MMS22L: variants seen among roughly 807,000 people sequenced by gnomAD.
MMS22L encodes MMS22 like, DNA repair protein.
A neutral mutation model predicts 159.1 loss-of-function variants in MMS22L; 74 were observed. The ratio of observed to expected loss-of-function variants is 0.47; its 90% CI spans 0.39 to 0.56. The LOEUF (loss-of-function observed/expected upper bound fraction) is 0.56. Ranked by LOEUF, MMS22L falls within the 20% of genes least tolerant of loss-of-function variation. The pLI is 0.00. For missense variants in MMS22L, 1,351 were observed against 1,422.1 expected, an observed-to-expected ratio of 0.95 and a Z score of 0.80; for synonymous variants, 517 against 506.9, an observed-to-expected ratio of 1.02 and a Z score of -0.27.
chr6:97,246,038 C>A, intron 11 of MMS22L: 2 of 233,814 alleles, frequency 8.6e-6, no homozygotes, highest in South Asian at 4.5e-5. Flanking sequence ...TAACATATTA[C>A]AAAACTTTAC....
intron 14 of MMS22L, among the ~76,000 whole-genome samples, chr6:97,196,072 G>A (rs1047448386): frequency 6.6e-6 from 1 of 152,062 alleles, no homozygotes; most frequent in African/African-American, 2.4e-5. Context: ...ACCTAGAGTC[G>A]AAGAGTACAA....
At chr6:97,252,320 T>G (rs1329794156) in intron 10 of MMS22L, among the ~76,000 whole-genome samples, 1 of 152,028 alleles carries the variant, frequency 6.6e-6, no homozygotes, top group Non-Finnish European at 1.5e-5. Flanking sequence ...AGCATGTTCC[T>G]TGAAGCAAGA....
chr6:97,240,140 A>C (rs1811896697), intron 11 of MMS22L, among the ~76,000 whole-genome samples: 1 of 152,208 alleles, frequency 6.6e-6, no homozygotes, highest in Non-Finnish European at 1.5e-5. Context: ...CAAATATATT[A>C]TTCTTTACAA....
chr6:97,235,886 G>A (rs1582733770), intron 11 of MMS22L, among the ~76,000 whole-genome samples: 1 of 152,214 alleles, frequency 6.6e-6, no homozygotes, highest in Non-Finnish European at 1.5e-5. Context: ...AATAGTCTGA[G>A]AGGTTGAATA....
At chr6:97,242,783 A>G (rs1317578179) in intron 11 of MMS22L, among the ~76,000 whole-genome samples, 1 of 152,118 alleles carries the variant, frequency 6.6e-6, no homozygotes, top group Non-Finnish European at 1.5e-5. Flanking sequence ...GTAGTGGCAA[A>G]TTCTCTTAGC....
intron 11 of MMS22L, among the ~76,000 whole-genome samples, chr6:97,246,383 A>G (rs1812643687): frequency 6.6e-6 from 1 of 152,334 alleles, no homozygotes; most frequent in African/African-American, 2.4e-5. Flanking sequence ...TGAAGCATCT[A>G]CCACTTATTT....
Position 97,165,476 on chromosome 6 carries a change from A to G in MMS22L, c.3010-19T>C. The G allele has an allele frequency of 6.3e-7, 1 of 1,591,824 alleles. No homozygotes were observed. The highest frequency in any genetic ancestry group is 8.6e-7 in the Non-Finnish European group (1 of 1,164,236). ...ACATGCCCTACAAGGAAAAAAAGTA[A>G]GAAATACTAAGAGGTAAAGTTTCAA... On this transcript the variant is annotated intron_variant, in intron 20 of 24. Transcript: ENST00000683635.
intron 9 of MMS22L, among the ~76,000 whole-genome samples, chr6:97,255,095 T>C (rs1269582398): frequency 2.0e-5 from 3 of 152,130 alleles, no homozygotes; most frequent in African/African-American, 7.2e-5. Context: ...GCGGCTTGTT[T>C]CTAATTCTTT....
chr6:97,272,329 G>GT (rs1815829341), intron 6 of MMS22L: 1 of 157,686 alleles, frequency 6.3e-6, no homozygotes, highest in African/African-American at 2.4e-5. Flanking sequence ...GAATCTTACT[G>GT]TAATATATGA....
chr6:97,203,707 C>T (rs1569532), intron 14 of MMS22L, among the ~76,000 whole-genome samples: 52,288 of 151,914 alleles, frequency 0.34, 10,370 homozygotes, highest in East Asian at 0.78. Flanking sequence ...CAAGTCTCTA[C>T]CTAATCTACC....
intron 14 of MMS22L, among the ~76,000 whole-genome samples, chr6:97,192,027 TG>T (rs774468244): frequency 5.3e-5 from 8 of 152,170 alleles, no homozygotes; most frequent in Non-Finnish European, 1.0e-4. Flanking sequence ...GTCCCAATCC[TG>T]TGCATGCCCA....
In MMS22L at chr6:97,229,298, T is replaced by G. The variant is rs373786338; in HGVS notation, c.1635A>C (p.Glu545Asp). ...GGTCTAAAACATGACTTGCAACATC[T>G]TCTACCTCTGCAACAGCTGCTAACA... ...FLLLAAVAEV[E>D]DVASHVLDLL... Residue 545 changes from glutamate (E) to aspartate (D), a missense_variant, in exon 14 of 25, where the codon GAA (glutamate) becomes GAC (aspartate). Coordinates refer to ENST00000683635, the MANE Select transcript of MMS22L (RefSeq NM_001350599.2). 4.3e-6 allele frequency: 7 copies of G among 1,614,164 alleles called. No homozygotes were observed. Among genetic ancestry groups the G allele is most frequent in the Non-Finnish European group, 5.9e-6 (7 of 1,180,010 alleles).
At chr6:97,223,146 A>C (rs7765171) in intron 14 of MMS22L, among the ~76,000 whole-genome samples, 1 of 151,864 alleles carries the variant, frequency 6.6e-6, no homozygotes, top group Non-Finnish European at 1.5e-5. Context: ...TATTATTCCT[A>C]AACAGCCTAG....
chr6:97,240,551 A>G (rs1002305111), intron 11 of MMS22L, among the ~76,000 whole-genome samples: 7 of 152,118 alleles, frequency 4.6e-5, no homozygotes, highest in Admixed American at 3.3e-4. Context: ...GGTTACATGA[A>G]TAAGTTCTTT....
chr6:97,218,556 G>A (rs1809277178), intron 14 of MMS22L, among the ~76,000 whole-genome samples: 1 of 152,062 alleles, frequency 6.6e-6, no homozygotes. Flanking sequence ...TATCATAGTA[G>A]GCATTCAAAA....
chr6:97,155,514 C>A (rs1015137065), intron 22 of MMS22L, among the ~76,000 whole-genome samples: 8 of 152,050 alleles, frequency 5.3e-5, no homozygotes, highest in Non-Finnish European at 1.0e-4. Context: ...CTCCCTGTGT[C>A]CATGTGTACT....
At chr6:97,174,519 G>A (rs1376927406) in intron 18 of MMS22L, among the ~76,000 whole-genome samples, 1 of 152,136 alleles carries the variant, frequency 6.6e-6, no homozygotes, top group Non-Finnish European at 1.5e-5. Context: ...ATGTTGGTAA[G>A]AGTAGCTGAA....
chr6:97,173,844 G>A (rs1562417516), intron 18 of MMS22L, among the ~76,000 whole-genome samples: 2 of 152,014 alleles, frequency 1.3e-5, no homozygotes, highest in Non-Finnish European at 2.9e-5. Context: ...AGAGACATGA[G>A]AAGAAGAGGA....
intron 14 of MMS22L, among the ~76,000 whole-genome samples, chr6:97,206,626 A>T (rs1807817385): frequency 1.3e-5 from 2 of 152,164 alleles, no homozygotes; most frequent in Admixed American, 6.6e-5. Flanking sequence ...TATACCTATC[A>T]AAAGTACACT....
Sources: allele counts gnomAD v4.1 joint callset (sites outside exome capture counted in the v4.1 genomes callset), GRCh38; gene constraint gnomAD v4.1.1; transcripts MANE v1.5; gene names NCBI Gene and HGNC (gene_info 2026-07-23, HGNC 2026-07-21).